Variants in TNNI3K observed in about 807,000 individuals in gnomAD.
TNNI3K encodes TNNI3 interacting kinase.
A neutral mutation model predicts 114.5 loss-of-function variants in TNNI3K; 140 were observed. That is an observed-to-expected ratio of 1.22 (90% CI 1.07 to 1.41). The LOEUF is 1.41. Among genes scored for constraint, TNNI3K ranks in the 40% most tolerant of loss-of-function variants. The pLI, the probability that TNNI3K is intolerant of heterozygous loss-of-function variation, is 0.00. For synonymous variants in TNNI3K, 347 were observed against 347.5 expected (o/e 1.00, Z 0.02); for missense variants, 1,125 against 1,007.6 (o/e 1.12, Z -1.58).
intron 21 of TNNI3K, 144 bp from the exon 22 acceptor site, chr1:74,489,045 A>G: frequency 1.6e-6 from 1 of 617,076 alleles, no homozygotes; most frequent in Non-Finnish European, 2.6e-6. Flanking sequence ...TTCAATTAAC[A>G]CTTCAATAAA....
At position 74,271,652 on chromosome 1, in the gene TNNI3K, G is replaced by C; in HGVS notation, c.388G>C (p.Val130Leu). The C allele has an allele frequency of 6.2e-7, 1 of 1,609,750 alleles. No individual in the cohort carries two copies. Among genetic ancestry groups the C allele is most frequent in the South Asian group, 1.1e-5 (1 of 90,376 alleles). The change falls in exon 5 of 25, where the codon GTT becomes CTT. Residue 130 changes from valine to leucine, a missense_variant. Transcript: ENST00000326637. ...LLHSGADIQQ[V>L]GYGGLTALHI... is the part of the protein sequence containing the mutation. ...TCACAGTGGAGCTGATATACAGCAG[G>C]TTGGATACGGTGGCCTCACTGCCCT...
At chr1:74,542,189 T>C (rs955194362) in intron 24 of TNNI3K, among the ~76,000 whole-genome samples, 1 of 152,190 alleles carries the variant, frequency 6.6e-6, no homozygotes, top group Non-Finnish European at 1.5e-5. Context: ...TGCTGATCAT[T>C]CCTGAGGGTA....
At chr1:74,401,788 A>G (rs1423728701) in intron 17 of TNNI3K, 4 of 444,154 alleles carry the variant, frequency 9.0e-6, no homozygotes, top group African/African-American at 6.1e-5. Flanking sequence ...TATGTAATTA[A>G]TTCAAATCTC....
chr1:74,365,670 C>T (rs1662231324), intron 11 of TNNI3K, among the ~76,000 whole-genome samples: 1 of 152,042 alleles, frequency 6.6e-6, no homozygotes, highest in Non-Finnish European at 1.5e-5. Context: ...TATCTATTCT[C>T]TCTGCCTATT....
At chr1:74,416,903 A>C (rs572662977) in intron 17 of TNNI3K, among the ~76,000 whole-genome samples, 12 of 152,020 alleles carry the variant, frequency 7.9e-5, no homozygotes, top group African/African-American at 2.9e-4. Context: ...TAGCCTTTGA[A>C]TATCTGATTA....
At chr1:74,246,743 G>A (rs1654584492) in intron 2 of TNNI3K, among the ~76,000 whole-genome samples, 1 of 152,146 alleles carries the variant, frequency 6.6e-6, no homozygotes, top group African/African-American at 2.4e-5. Context: ...AAGCTTTGGA[G>A]CTCTTCTGTA....
intron 9 of TNNI3K, among the ~76,000 whole-genome samples, chr1:74,352,686 C>G (rs1661426967): frequency 6.6e-6 from 1 of 152,206 alleles, no homozygotes; most frequent in Admixed American, 6.5e-5. Context: ...CCTCCCCCAG[C>G]CTCGCTGCCA....
chr1:74,467,205 T>C (rs915695875), intron 21 of TNNI3K, among the ~76,000 whole-genome samples: 1 of 152,204 alleles, frequency 6.6e-6, no homozygotes, highest in Non-Finnish European at 1.5e-5. Context: ...CTAGTAGCAG[T>C]TGCAACATTG....
At chr1:74,430,095 T>C (rs1665821294) in intron 17 of TNNI3K, among the ~76,000 whole-genome samples, 1 of 152,032 alleles carries the variant, frequency 6.6e-6, no homozygotes. Context: ...GGTAGTGGAG[T>C]GAAAGTAGCA....
At chr1:74,338,032 T>G (rs186543061) in intron 7 of TNNI3K, among the ~76,000 whole-genome samples, 1 of 152,186 alleles carries the variant, frequency 6.6e-6, no homozygotes, top group East Asian at 1.9e-4. Flanking sequence ...TGTGGACATA[T>G]ATGTTCATCT....
chr1:74,538,885 G>T (rs567376125), intron 23 of TNNI3K, among the ~76,000 whole-genome samples: 2 of 152,188 alleles, frequency 1.3e-5, no homozygotes, highest in Admixed American at 1.3e-4. Context: ...GTGGAGAAGG[G>T]TATGGGTTGA....
In TNNI3K at chr1:74,273,552, G is replaced by T. The variant is rs1174647942; in HGVS notation, c.444+1844G>T. Among the ~76,000 whole-genome samples the T allele has an allele frequency of 5.9e-5, 9 of 152,006 alleles. No individual in the cohort carries two copies. The South Asian group carries it at 1.5e-3, about 25-fold the overall frequency. On this transcript the variant is annotated intron_variant, in intron 5 of 24. Transcript: ENST00000326637. ...CTTTTTTTCCTAATGTTGTTTTGAT[G>T]ATAGCATTACAATGGCTTCTAAAGC... is the stretch of plus-strand genomic sequence containing the variant.
rs183406935 is a variant in TNNI3K, at chr1:74,423,349, A to G, written c.1773-12731A>G. Among the ~76,000 whole-genome samples, 371 of 152,226 alleles carry G rather than the reference A, an allele frequency of 2.4e-3. 2 individuals are homozygous for G. The highest frequency in any genetic ancestry group is 0.014 in the Middle Eastern group (4 of 294). ...CTCATTCTCCTTACTTCCACTAAAA[A>G]CAATATTCAAAGCAGATGTTCCCAA... On this transcript the variant is annotated intron_variant, in intron 17 of 24. Coordinates refer to ENST00000326637, the MANE Select transcript of TNNI3K (RefSeq NM_015978.3).
intron 5 of TNNI3K, among the ~76,000 whole-genome samples, chr1:74,325,834 T>C (rs1315201035): frequency 6.6e-6 from 1 of 152,172 alleles, no homozygotes; most frequent in Non-Finnish European, 1.5e-5. Flanking sequence ...AAAATATCAA[T>C]CCTAAATCAA....
At chr1:74,396,835 A>G (rs1240940990) in intron 17 of TNNI3K, among the ~76,000 whole-genome samples, 1 of 152,218 alleles carries the variant, frequency 6.6e-6, no homozygotes, top group Non-Finnish European at 1.5e-5. Flanking sequence ...AAATGAGAAA[A>G]TATTCAGGAT....
rs1171012788 is a variant in TNNI3K at position 74,331,483 on chromosome 1, G to A, written c.478G>A (p.Val160Ile). The change falls in exon 6 of 25, where the codon GTC becomes ATC. Residue 160 changes from valine (V) to isoleucine (I), a missense_variant. Val to Ile is a conservative substitution (Grantham distance 29, BLOSUM62 3). Coordinates refer to ENST00000326637, the MANE Select transcript of TNNI3K (RefSeq NM_015978.3). ...TGTGCTGTTGCAACATGGAGCTAAT[G>A]TCAATATTCAAGATGCAGTTTTTTT... ...ADVLLQHGAN[V>I]NIQDAVFFTP... The A allele has an allele frequency of 1.2e-6, 2 of 1,613,622 alleles. No homozygotes were observed. The highest frequency in any genetic ancestry group is 2.7e-5 in the African/African-American group (2 of 74,934).
At chr1:74,342,144 T>A (rs756491877) in intron 7 of TNNI3K, among the ~76,000 whole-genome samples, 1 of 152,192 alleles carries the variant, frequency 6.6e-6, no homozygotes, top group Non-Finnish European at 1.5e-5. Context: ...TCTTGGCTTC[T>A]CATTAATACT....
chr1:74,308,052 A>AG (rs1658760183), intron 5 of TNNI3K, among the ~76,000 whole-genome samples: 1 of 151,746 alleles, frequency 6.6e-6, no homozygotes. Context: ...TATATATATA[A>AG]TAGTAATAAT....
chr1:74,255,897 G>A (rs560322720), intron 4 of TNNI3K, among the ~76,000 whole-genome samples: 1 of 151,998 alleles, frequency 6.6e-6, no homozygotes, highest in South Asian at 2.1e-4. Flanking sequence ...TTTCTATATG[G>A]TTTCTTGCAC....
Sources: gnomAD v4.1 joint callset for allele counts (sites outside exome capture counted in the v4.1 genomes callset) on GRCh38, gnomAD v4.1.1 for gene constraint, MANE v1.5 for transcripts, NCBI Gene and HGNC (gene_info 2026-07-23, HGNC 2026-07-21) for gene names.